Variants in MCOLN1 observed in about 807,000 individuals in gnomAD.
MCOLN1 encodes mucolipin TRP cation channel 1.
In MCOLN1, 50 loss-of-function variants were observed where a neutral mutation model predicts 70.3. That is an observed-to-expected ratio of 0.71 (90% CI 0.57 to 0.90). MCOLN1 has a LOEUF of 0.90. MCOLN1 is among the 40% of genes least tolerant of loss of function. The pLI is 0.00. For synonymous variants in MCOLN1, 366 were observed against 341.0 expected, an observed-to-expected ratio of 1.07 and a Z score of -0.81; for missense variants, 598 against 803.5, an observed-to-expected ratio of 0.74 and a Z score of 3.09.
At chr19:7,530,185 GCCA>G in intron 11 of MCOLN1, 98 bp from the exon 12 acceptor site, 1 of 994,678 alleles carries the variant, frequency 1.0e-6, no homozygotes, top group African/African-American at 2.6e-5. Flanking sequence ...TGGGGCCCCA[GCCA>G]CCAGCTCCTA....
In MCOLN1 at chr19:7,526,584, C is replaced by A; in HGVS notation, c.383C>A (p.Ala128Asp). 1 of 1,613,586 alleles carries A rather than the reference C, an allele frequency of 6.2e-7. No individual in the cohort carries two copies. Among genetic ancestry groups the A allele is most frequent in the Non-Finnish European group, 8.5e-7 (1 of 1,180,022 alleles). ...TACACGCGGGAGCAGCTGTACCAGG[C>A]CATCTTCCATGCTGTGGACCAGGTG... Reference protein sequence around the residue: ...AAYTREQLYQAIFHAVDQYLA... With the variant: ...AAYTREQLYQDIFHAVDQYLA... The change falls in exon 3 of 14, where the codon GCC becomes GAC. Residue 128 changes from alanine (A) to aspartate (D), a missense_variant. Physicochemically the swap from Ala to Asp is moderately radical, Grantham distance 126. Coordinates refer to ENST00000264079, the MANE Select transcript of MCOLN1 (RefSeq NM_020533.3). The surrounding 1 kb of genome is among the most constrained non-coding windows in gnomAD (Gnocchi z 4.6).
In MCOLN1 at chr19:7,525,367, G is replaced by A. The variant is rs558497917; in HGVS notation, c.237+201G>A. On this transcript the variant is annotated intron_variant, in intron 2 of 13. Transcript: ENST00000264079. This position sits in a 1 kb window ranked among gnomAD's most constrained non-coding sequence, Gnocchi z 4.2. ...AAATTAGCCGTGCGTGGTGGCGGGT[G>A]CCTGTAATCCCAGCTACTTGGCAGG... The A allele has an allele frequency of 3.1e-4, 170 of 554,654 alleles. 2 individuals carry two copies. In the East Asian group the frequency reaches 5.8e-3, roughly 19 times the overall value. 34.4% of individuals were successfully genotyped at this position (554,654 alleles called of 1,614,324 possible).
Position 7,522,742 on chromosome 19 carries a change from C to T in MCOLN1, c.-9C>T, listed in dbSNP as rs916795262. ...CGTACCCGCCTGCGTCCCGCGCTCCCGCCCCAGCATGACAGCCCCGGCGGG... is the reference window on the plus strand; with the variant it reads ...CGTACCCGCCTGCGTCCCGCGCTCCTGCCCCAGCATGACAGCCCCGGCGGG... On this transcript the variant is annotated 5_prime_UTR_variant, in exon 1 of 14. Transcript: ENST00000264079. 5 of 1,451,440 alleles carry T rather than the reference C, an allele frequency of 3.4e-6. No homozygotes were observed. The highest frequency in any genetic ancestry group is 4.5e-6 in the Non-Finnish European group (5 of 1,106,082). 89.9% of individuals were successfully genotyped at this position (1,451,440 alleles called of 1,614,324 possible).
At position 7,529,542 on chromosome 19, in the gene MCOLN1, C is replaced by T. The variant is rs12460660; in HGVS notation, c.1237-48C>T. ...CCCCATCTGGGTGCCCACAGCTGAC[C>T]TGAGTTGTGGCCACACCCTCAACGA... On this transcript the variant is annotated intron_variant, in intron 10 of 13. Transcript: ENST00000264079. 1.9e-6 allele frequency: 3 copies of T among 1,585,022 alleles called. No individual in the cohort carries two copies. The Admixed American group carries it at 5.1e-5, about 27-fold the overall frequency.
rs781015033 is a variant in MCOLN1 at position 7,525,053 on chromosome 19, C to A, written c.124C>A (p.Arg42Ser). The change falls in exon 2 of 14, where the codon CGC becomes AGC. Residue 42 changes from arginine to serine, a missense_variant. This residue lies in a region of MCOLN1 where 461 missense variants were observed against 588.4 expected (regional missense o/e 0.78). Coordinates refer to ENST00000264079, the MANE Select transcript of MCOLN1 (RefSeq NM_020533.3). The surrounding 1 kb of genome is among the most constrained non-coding windows in gnomAD (Gnocchi z 4.2). ...PPTPPEEEDL[R>S]RRLKYFFMSP... Reference sequence around the variant, plus strand: ...GACACCCCCAGAAGAGGAAGACCTTCGCCGTCGTCTCAAATACTTTTTCAT... The same window carrying A: ...GACACCCCCAGAAGAGGAAGACCTTAGCCGTCGTCTCAAATACTTTTTCAT... 1.2e-6 allele frequency: 2 copies of A among 1,614,130 alleles called. No individual in the cohort carries two copies. Among genetic ancestry groups the A allele is most frequent in the Non-Finnish European group, 1.7e-6 (2 of 1,180,036 alleles).
chr19:7,531,424 C>T (rs1164507642), intron 12 of MCOLN1, among the ~76,000 whole-genome samples: 1 of 151,930 alleles, frequency 6.6e-6, no homozygotes, highest in Non-Finnish European at 1.5e-5. Context: ...TGGTCTCGAA[C>T]TCCTGACCTC....
At position 7,528,486 on chromosome 19, in the gene MCOLN1, A is replaced by G. The variant is rs920547022; in HGVS notation, c.878-111A>G. 4.8e-6 allele frequency: 7 copies of G among 1,443,986 alleles called. No homozygotes were observed. The African/African-American group carries it at 8.5e-5, about 17-fold the overall frequency. The allele number at this position is 1,443,986 out of a possible 1,614,324, so 89.4% of individuals were successfully genotyped here. A position where few individuals can be genotyped will look rare whatever the true frequency, so the allele number is the denominator to read the frequency against. On this transcript the variant is annotated intron_variant, in intron 7 of 13. Coordinates refer to ENST00000264079, the MANE Select transcript of MCOLN1 (RefSeq NM_020533.3). The surrounding 1 kb of genome is among the most constrained non-coding windows in gnomAD (Gnocchi z 4.2). The stretch of plus-strand genomic sequence containing the variant: ...CAAGCAAGCCCTGAGCCCACTGACC[A>G]ACCAAAACCAGCCGTGCAGCCCCCT...
At position 7,531,068 on chromosome 19, in the gene MCOLN1, CTTTAT is replaced by C. The variant is rs1456730718; in HGVS notation, c.1575+574_1575+578del. Among the ~76,000 whole-genome samples, 3 of 151,690 alleles carry C rather than the reference CTTTAT, an allele frequency of 2.0e-5. No homozygotes were observed. The East Asian group carries it at 5.9e-4, about 30-fold the overall frequency. On this transcript the variant is annotated intron_variant, in intron 12 of 13. Coordinates refer to ENST00000264079, the MANE Select transcript of MCOLN1 (RefSeq NM_020533.3). ...TTTATTTTATTATTAAAGTATTGTTCTTTATTTTATTAGAGACAAGGGTCTCACTG... is the reference window on the plus strand; with the variant it reads ...TTTATTTTATTATTAAAGTATTGTTCTTTATTAGAGACAAGGGTCTCACTG...
chr19:7,529,512 C>A, intron 10 of MCOLN1, 78 bp from the exon 11 acceptor site: 3 of 992,990 alleles, frequency 3.0e-6, no homozygotes, highest in Non-Finnish European at 4.6e-6. Context: ...CCCCGCCCCT[C>A]CCACCCCCAT....
At position 7,533,854 on chromosome 19, in the gene MCOLN1, C is replaced by T; in HGVS notation, c.*59C>T. 1 of 1,588,550 alleles carries T rather than the reference C, an allele frequency of 6.3e-7. No individual in the cohort carries two copies. Among genetic ancestry groups the T allele is most frequent in the Non-Finnish European group, 8.6e-7 (1 of 1,158,080 alleles). On this transcript the variant is annotated 3_prime_UTR_variant, in exon 14 of 14. Transcript: ENST00000264079. ...GACTGCAGAGACCCCCGCCCCCGAC[C>T]CCGCTTATTTATTTGTAGGGTTTGC...
chr19:7,528,470 C>T lies in MCOLN1; in HGVS notation c.878-127C>T, dbSNP rs1231965977. ...GGTTCTTGACTCACCCCAAGCAAGC[C>T]CTGAGCCCACTGACCAACCAAAACC... is the stretch of plus-strand genomic sequence containing the variant. On this transcript the variant is annotated intron_variant, in intron 7 of 13. Transcript: ENST00000264079. The surrounding 1 kb of genome is among the most constrained non-coding windows in gnomAD (Gnocchi z 4.2). 1.6e-6 allele frequency: 2 copies of T among 1,273,328 alleles called. No homozygotes were observed. The highest frequency in any genetic ancestry group is 3.0e-5 in the African/African-American group (2 of 67,670). 78.9% of individuals were successfully genotyped at this position (1,273,328 alleles called of 1,614,324 possible). A position where few individuals can be genotyped will look rare whatever the true frequency, so the allele number is the denominator to read the frequency against.
In MCOLN1 at chr19:7,527,512, G is replaced by GTC. The variant is rs1490536347; in HGVS notation, c.572-7_572-6dup. The stretch of plus-strand genomic sequence containing the variant: ...CCCTGAGGCCCTTCCCTGACTCCCT[G>GTC]TCCTTAGACTGCATCCAGGTGGATC... On this transcript the variant is annotated splice_polypyrimidine_tract_variant and splice_region_variant and intron_variant, in intron 4 of 13. Coordinates refer to ENST00000264079, the MANE Select transcript of MCOLN1 (RefSeq NM_020533.3). 7.3e-7 allele frequency: 1 copy of GTC among 1,366,184 alleles called. No homozygotes were observed. Among genetic ancestry groups the GTC allele is most frequent in the Non-Finnish European group, 1.0e-6 (1 of 953,484 alleles). The allele number at this position is 1,366,184 out of a possible 1,614,324, so 84.6% of individuals were successfully genotyped here.
In MCOLN1 at chr19:7,531,677, A is replaced by T. The variant is rs570439798; in HGVS notation, c.1575+1176A>T. On this transcript the variant is annotated intron_variant, in intron 12 of 13. Transcript: ENST00000264079. ...CCAAGGTTAGCTTCTTTATTTATTT[A>T]TTTTTTTTGAGACGGAGTCTCGCTG... Among the ~76,000 whole-genome samples the T allele has an allele frequency of 1.3e-3, 199 of 149,772 alleles. 1 individual carries two copies. The highest frequency in any genetic ancestry group is 4.6e-3 in the African/African-American group (187 of 40,784).
chr19:7,527,951 C>A lies in MCOLN1; in HGVS notation c.768C>A (p.Phe256Leu). Residue 256 changes from phenylalanine to leucine, a missense_variant, in exon 6 of 14, where the codon TTC becomes TTA. Phe to Leu is a conservative substitution (Grantham distance 22). Transcript: ENST00000264079. ...ATGAGATCCCGGACTGCTATACCTT[C>A]AGCGTCCTGGTGAGGCCCCCCGGGA... ...INNEIPDCYTFSVLITFDNKA... is the reference protein window; with the variant it reads ...INNEIPDCYTLSVLITFDNKA... The A allele has an allele frequency of 6.2e-7, 1 of 1,613,740 alleles. No individual in the cohort carries two copies. The highest frequency in any genetic ancestry group is 8.5e-7 in the Non-Finnish European group (1 of 1,179,588).
In MCOLN1 at chr19:7,527,544, A is replaced by G. The variant is rs778279346; in HGVS notation, c.596A>G (p.Glu199Gly). 10 of 1,486,230 alleles carry G rather than the reference A, an allele frequency of 6.7e-6. No individual in the cohort carries two copies. Among genetic ancestry groups the G allele is most frequent in the African/African-American group, 1.4e-5 (1 of 72,522 alleles). 92.1% of individuals were successfully genotyped at this position (1,486,230 alleles called of 1,614,324 possible). A position where few individuals can be genotyped will look rare whatever the true frequency, so the allele number is the denominator to read the frequency against. ...GACTGCATCCAGGTGGATCCCCCCG[A>G]GCGGCCCCCTCCGCCCCCCAGCGAC... ...VTDCIQVDPP[E>G]RPPPPPSDDL... is the part of the protein sequence containing the mutation. Residue 199 changes from glutamate (E) to glycine (G), a missense_variant, in exon 5 of 14, where the codon GAG becomes GGG. Glu to Gly is a moderately conservative substitution (Grantham distance 98, BLOSUM62 -2). Transcript: ENST00000264079.
intron 10 of MCOLN1, 73 bp from the exon 11 acceptor site, chr19:7,529,517 C>CCCCCCCTTGGGG: frequency 7.6e-7 from 1 of 1,313,004 alleles, no homozygotes; most frequent in Non-Finnish European, 1.1e-6. Flanking sequence ...CCCCTCCCAC[C>CCCCCCCTTGGGG]CCCATCTGGG....
At chr19:7,529,820 C>G in intron 11 of MCOLN1, 108 bp downstream of exon 11, 2 of 1,375,796 alleles carry the variant, frequency 1.5e-6, no homozygotes, top group South Asian at 1.2e-5. Context: ...CCACTGTCCC[C>G]TGTGGTCCTT....
Position 7,529,108 on chromosome 19 carries a change from C to G in MCOLN1, c.1142C>G (p.Ala381Gly). 1 of 1,613,864 alleles carries G rather than the reference C, an allele frequency of 6.2e-7. No individual in the cohort carries two copies. The change falls in exon 10 of 14, where the codon GCG becomes GGG. Residue 381 changes from alanine (A) to glycine (G), a missense_variant. Ala to Gly is a moderately conservative substitution (Grantham distance 60). Coordinates refer to ENST00000264079, the MANE Select transcript of MCOLN1 (RefSeq NM_020533.3). Reference sequence around the variant, plus strand: ...CGCAGCTCCCACCCGCAGAACTTGGCGAGCTACGACGTCTGCAGCATCCTC... The same window carrying G: ...CGCAGCTCCCACCCGCAGAACTTGGGGAGCTACGACGTCTGCAGCATCCTC... ...MKIGIEAKNL[A>G]SYDVCSILLG...
At position 7,526,303 on chromosome 19, in the gene MCOLN1, C is replaced by T. The variant is rs1378564436; in HGVS notation, c.238-136C>T. ...ACAAGTGAAATCCGTGTTTGTGGCCCAAGTTAGCAGGGCCCTGCCCCACCC... is the reference window on the plus strand; with the variant it reads ...ACAAGTGAAATCCGTGTTTGTGGCCTAAGTTAGCAGGGCCCTGCCCCACCC... On this transcript the variant is annotated intron_variant, in intron 2 of 13. Coordinates refer to ENST00000264079, the MANE Select transcript of MCOLN1 (RefSeq NM_020533.3). The surrounding 1 kb of genome is among the most constrained non-coding windows in gnomAD (Gnocchi z 4.6). 1.2e-5 allele frequency: 12 copies of T among 998,916 alleles called. No homozygotes were observed. The highest frequency in any genetic ancestry group is 1.7e-5 in the Non-Finnish European group (11 of 632,794). The allele number at this position is 998,916 out of a possible 1,614,324, so 61.9% of individuals were successfully genotyped here. A position where few individuals can be genotyped will look rare whatever the true frequency, so the allele number is the denominator to read the frequency against.
Sources: allele counts gnomAD v4.1 joint callset (sites outside exome capture counted in the v4.1 genomes callset), GRCh38; gene constraint gnomAD v4.1.1; regional missense constraint gnomAD v4.1.1; non-coding constraint Gnocchi (gnomAD v3.1); transcripts MANE v1.5; gene names NCBI Gene and HGNC (gene_info 2026-07-23, HGNC 2026-07-21).